Variants in RAD51B observed in about 807,000 individuals in gnomAD.
RAD51B encodes the protein RAD51 paralog B.
A neutral mutation model predicts 42.2 loss-of-function variants in RAD51B; 38 were observed. The observed-to-expected ratio is 0.90, with a 90% CI of 0.70 to 1.18. The LOEUF (loss-of-function observed/expected upper bound fraction) is 1.18. Ranked by LOEUF, RAD51B falls within the 50% of genes most tolerant of loss-of-function variation. The pLI is 0.00. For missense variants in RAD51B, 373 were observed against 400.7 expected, an observed-to-expected ratio of 0.93 and a Z score of 0.59; for synonymous variants, 154 against 145.2, an observed-to-expected ratio of 1.06 and a Z score of -0.43.
chr14:68,007,459 C>T (rs1302840622), intron 7 of RAD51B, among the ~76,000 whole-genome samples: 1 of 151,962 alleles, frequency 6.6e-6, no homozygotes, highest in Non-Finnish European at 1.5e-5. Flanking sequence ...TCAGTAGCTG[C>T]ACCATTAGCA....
intron 9 of RAD51B, among the ~76,000 whole-genome samples, chr14:68,455,874 C>T (rs2085672955): frequency 1.3e-5 from 2 of 152,120 alleles, no homozygotes; most frequent in South Asian, 2.1e-4. Flanking sequence ...AATTATAAAA[C>T]TGTGTAGATG....
At chr14:68,641,503 AG>A (rs1394560710) in intron 10 of RAD51B, among the ~76,000 whole-genome samples, 1 of 59,812 alleles carries the variant, frequency 1.7e-5, no homozygotes, top group Non-Finnish European at 3.5e-5. Flanking sequence ...AAACTATAAC[AG>A]GGGAAATCCT....
At chr14:68,419,043 C>T (rs1446912753) in intron 9 of RAD51B, among the ~76,000 whole-genome samples, 1 of 152,100 alleles carries the variant, frequency 6.6e-6, no homozygotes, top group Non-Finnish European at 1.5e-5. Flanking sequence ...AGATCCCAGG[C>T]CCCATCCCCA....
intron 7 of RAD51B, among the ~76,000 whole-genome samples, chr14:68,087,209 C>G (rs1218510640): frequency 3.3e-5 from 5 of 151,496 alleles, no homozygotes; most frequent in Non-Finnish European, 7.4e-5. Context: ...GTCCACTGAT[C>G]CCCAGAGATT....
chr14:68,456,921 T>TTTTTTTTTTTTTTTTTTTC (rs2085707577), intron 9 of RAD51B, among the ~76,000 whole-genome samples: 1 of 106,378 alleles, frequency 9.4e-6, no homozygotes, highest in Non-Finnish European at 1.8e-5. Flanking sequence ...TTTTTTTTTT[T>TTTTTTTTTTTTTTTTTTTC]GCTTTTTTTG....
rs71129885 is a variant in RAD51B at position 68,415,031 on chromosome 14, C to CAAAAAAA, written c.957+3526_957+3532dup. 1.8e-4 allele frequency among the ~76,000 whole-genome samples: 6 copies of CAAAAAAA among 32,510 alleles called. 1 individual carries two copies. The highest frequency in any genetic ancestry group is 2.6e-3 in the South Asian group (1 of 392). 21.3% of individuals were successfully genotyped at this position (32,510 alleles called of 152,430 possible). On this transcript the variant is annotated intron_variant, in intron 9 of 10. Coordinates refer to ENST00000471583, the MANE Select transcript of RAD51B (RefSeq NM_133510.4). Reference sequence around the variant, plus strand: ...TGGGTGACAGAGCAAGACTCTGTCTCAAAAAAAAAAAAAAAAAAAAAAAAA... The same window carrying CAAAAAAA: ...TGGGTGACAGAGCAAGACTCTGTCTCAAAAAAAAAAAAAAAAAAAAAAAAAAAAAAAA...
intron 7 of RAD51B, among the ~76,000 whole-genome samples, chr14:68,232,249 C>T (rs1280777182): frequency 6.6e-6 from 1 of 151,882 alleles, no homozygotes; most frequent in Non-Finnish European, 1.5e-5. Context: ...ATCAAGTCCC[C>T]AGTAAAGGGA....
At chr14:68,451,693 G>A (rs1243783200) in intron 9 of RAD51B, among the ~76,000 whole-genome samples, 4 of 152,168 alleles carry the variant, frequency 2.6e-5, no homozygotes, top group Non-Finnish European at 5.9e-5. Flanking sequence ...TAATTTGACC[G>A]TGCTCTGAAG....
Position 68,291,983 on chromosome 14 carries a change from A to G in RAD51B, c.853+3A>G, listed in dbSNP as rs1311555822. 1.2e-6 allele frequency: 2 copies of G among 1,608,934 alleles called. No homozygotes were observed. The highest frequency in any genetic ancestry group is 2.2e-5 in the South Asian group (2 of 90,986). The stretch of plus-strand genomic sequence containing the variant: ...TGATGATTTGTCCCTGTCTGAAGGT[A>G]AGGAATCTGTCCTGGAGAGGCTGAA... On this transcript the variant is annotated splice_donor_region_variant and intron_variant, in intron 8 of 10. Coordinates refer to ENST00000471583, the MANE Select transcript of RAD51B (RefSeq NM_133510.4).
At chr14:68,604,208 A>G (rs1260317947) in intron 10 of RAD51B, among the ~76,000 whole-genome samples, 1 of 152,178 alleles carries the variant, frequency 6.6e-6, no homozygotes, top group African/African-American at 2.4e-5. Flanking sequence ...AGGTGGGGTG[A>G]GCCCAGAACA....
At chr14:68,073,492 C>T (rs1463474796) in intron 7 of RAD51B, among the ~76,000 whole-genome samples, 1 of 152,036 alleles carries the variant, frequency 6.6e-6, no homozygotes, top group African/African-American at 2.4e-5. Flanking sequence ...CACTTTGTGC[C>T]TTTTAGGTGG....
intron 8 of RAD51B, among the ~76,000 whole-genome samples, chr14:68,304,570 G>T (rs753133242): frequency 2.0e-5 from 3 of 152,210 alleles, no homozygotes; most frequent in Admixed American, 6.5e-5. Flanking sequence ...GTTTCTTTAT[G>T]TGTGCCCTGA....
chr14:67,825,078 CAAAAAAAAAAAAAA>C (rs56227529), intron 2 of RAD51B, among the ~76,000 whole-genome samples: 3 of 50,534 alleles, frequency 5.9e-5, no homozygotes, highest in African/African-American at 1.8e-4. Flanking sequence ...ACTCTTGTCT[CAAAAAAAAAAAAAA>C]AAAAAAAAAA....
intron 8 of RAD51B, among the ~76,000 whole-genome samples, chr14:68,385,632 A>T (rs976888786): frequency 7.9e-5 from 12 of 152,212 alleles, no homozygotes; most frequent in Non-Finnish European, 1.6e-4. Context: ...TTCTGAGAGT[A>T]GTTGCTCATA....
chr14:68,561,127 C>A lies in RAD51B; in HGVS notation c.1037-33358C>A, dbSNP rs150897912. Among the ~76,000 whole-genome samples the A allele has an allele frequency of 2.4e-4, 36 of 152,340 alleles. No individual in the cohort carries two copies. The East Asian group carries it at 4.6e-3, about 20-fold the overall frequency. ...TCCTCTGCCACTCCTGACTTCCTTT[C>A]ACCCCAGCCTCCCCAGCTGAGAACT... On this transcript the variant is annotated intron_variant, in intron 10 of 10. Transcript: ENST00000487270.
At chr14:68,449,803 G>C (rs150424081) in intron 9 of RAD51B, among the ~76,000 whole-genome samples, 363 of 152,212 alleles carry the variant, frequency 2.4e-3, no homozygotes, top group Admixed American at 4.1e-3. Flanking sequence ...GAATCTGCCT[G>C]CCTGTGCATA....
intron 9 of RAD51B, among the ~76,000 whole-genome samples, chr14:68,464,216 C>T (rs1266663166): frequency 6.6e-6 from 1 of 152,022 alleles, no homozygotes; most frequent in Non-Finnish European, 1.5e-5. Flanking sequence ...CTTCTGTTAC[C>T]TTCCCATCAA....
intron 5 of RAD51B, among the ~76,000 whole-genome samples, chr14:67,873,221 A>G (rs1008674471): frequency 2.6e-5 from 4 of 152,192 alleles, no homozygotes; most frequent in African/African-American, 4.8e-5. Flanking sequence ...AGAATCTACA[A>G]TGAACTCAAA....
At chr14:67,931,988 G>A (rs944001748) in intron 7 of RAD51B, among the ~76,000 whole-genome samples, 1 of 151,774 alleles carries the variant, frequency 6.6e-6, no homozygotes, top group African/African-American at 2.4e-5. Context: ...TTCAACTTTT[G>A]TTTTAGATTC....
Sources: allele counts gnomAD v4.1 joint callset (sites outside exome capture counted in the v4.1 genomes callset), GRCh38; gene constraint gnomAD v4.1.1; transcripts MANE v1.5; gene names NCBI Gene and HGNC (gene_info 2026-07-23, HGNC 2026-07-21).